EYA3: variants seen among roughly 807,000 people sequenced by gnomAD.
EYA3 encodes EYA transcriptional coactivator and phosphatase 3, also known as protein phosphatase EYA3.
EYA3 carries 39 observed loss-of-function variants against 80.0 expected under a neutral mutation model. The observed-to-expected ratio is 0.49, with a 90% CI of 0.38 to 0.64. EYA3 has a LOEUF of 0.64. Among genes scored for constraint, EYA3 ranks in the 30% least tolerant of loss-of-function variants. The pLI is 0.00. For missense variants in EYA3, 523 were observed against 676.1 expected, an observed-to-expected ratio of 0.77 and a Z score of 2.51; for synonymous variants, 206 against 232.8, an observed-to-expected ratio of 0.88 and a Z score of 1.05.
chr1:28,053,327 T>A (rs1644334556), intron 2 of EYA3, among the ~76,000 whole-genome samples: 1 of 152,064 alleles, frequency 6.6e-6, no homozygotes, highest in Non-Finnish European at 1.5e-5. Context: ...GCTGGTATCT[T>A]AAAAAATGAC....
At chr1:28,083,647 T>C (rs1325428514) in intron 1 of EYA3, among the ~76,000 whole-genome samples, 1 of 152,242 alleles carries the variant, frequency 6.6e-6, no homozygotes, top group Non-Finnish European at 1.5e-5. Context: ...TTATTTTTAC[T>C]GTTTTACCAC....
intron 9 of EYA3, among the ~76,000 whole-genome samples, 159 bp from the exon 10 acceptor site, chr1:28,011,245 G>A (rs1379014710): frequency 1.3e-5 from 2 of 152,164 alleles, no homozygotes; most frequent in Admixed American, 6.5e-5. Flanking sequence ...TGTACATCTA[G>A]GCATTGAGCA....
intron 14 of EYA3, chr1:27,990,255 C>T: frequency 5.4e-6 from 1 of 183,650 alleles, no homozygotes; most frequent in Non-Finnish European, 1.2e-5. Context: ...CAGGCCTGCG[C>T]CCCGGTCACA....
At chr1:28,047,701 C>G (rs964207124) in intron 3 of EYA3, among the ~76,000 whole-genome samples, 1 of 149,922 alleles carries the variant, frequency 6.7e-6, no homozygotes, top group Non-Finnish European at 1.5e-5. Flanking sequence ...TGCAGTGGCG[C>G]GATCTCAGCT....
intron 1 of EYA3, among the ~76,000 whole-genome samples, chr1:28,075,954 T>C (rs891700767): frequency 6.6e-6 from 1 of 152,222 alleles, no homozygotes; most frequent in African/African-American, 2.4e-5. Flanking sequence ...CAGAATCCTT[T>C]GTATTCAGAG....
At chr1:28,019,898 C>T (rs1642317442) in intron 7 of EYA3, among the ~76,000 whole-genome samples, 1 of 151,966 alleles carries the variant, frequency 6.6e-6, no homozygotes, top group Admixed American at 6.6e-5. Context: ...AGATGGGTTT[C>T]ACCATGTTGG....
At chr1:28,045,369 A>G (rs773823312) in intron 3 of EYA3, among the ~76,000 whole-genome samples, 2 of 152,214 alleles carry the variant, frequency 1.3e-5, no homozygotes, top group Non-Finnish European at 2.9e-5. Context: ...GGGGAAGGGC[A>G]TAAAACTGAA....
chr1:28,085,393 G>T (rs989944536), intron 1 of EYA3, among the ~76,000 whole-genome samples: 1 of 152,160 alleles, frequency 6.6e-6, no homozygotes. Context: ...GGGCTGCAGT[G>T]AGCCGAGATC....
intron 1 of EYA3, among the ~76,000 whole-genome samples, chr1:28,076,577 G>A (rs1332877714): frequency 2.0e-5 from 3 of 150,526 alleles, no homozygotes; most frequent in African/African-American, 7.3e-5. Context: ...TGTGTGTGGT[G>A]GCACATGCCT....
At chr1:28,045,732 T>C (rs573557962) in intron 3 of EYA3, among the ~76,000 whole-genome samples, 139 of 152,224 alleles carry the variant, frequency 9.1e-4, no homozygotes, top group Non-Finnish European at 1.8e-3. Context: ...TATATAAACA[T>C]AAATTTTGCT....
At chr1:27,997,102 C>G (rs930341673) in intron 13 of EYA3, among the ~76,000 whole-genome samples, 1 of 152,234 alleles carries the variant, frequency 6.6e-6, no homozygotes, top group Non-Finnish European at 1.5e-5. Context: ...CACTCCCTAT[C>G]CCAACAGAAT....
chr1:28,072,088 C>T (rs1414521265), intron 1 of EYA3, among the ~76,000 whole-genome samples: 2 of 152,038 alleles, frequency 1.3e-5, no homozygotes, highest in East Asian at 3.9e-4. Flanking sequence ...AAAATGATGA[C>T]ACACAAATTG....
Position 27,982,425 on chromosome 1 carries a change from C to T in EYA3, c.1541-3951G>A, listed in dbSNP as rs1212398542. Among the ~76,000 whole-genome samples, 7 of 150,302 alleles carry T rather than the reference C, an allele frequency of 4.7e-5. No individual in the cohort carries two copies. In the East Asian group the frequency reaches 1.4e-3, roughly 29 times the overall value. ...CCACCCAAAGCCCTGGGATGACAGG[C>T]GTGAGCCACTCCACCTGACCCTTAT... On this transcript the variant is annotated intron_variant, in intron 16 of 17. Coordinates refer to ENST00000373871, the MANE Select transcript of EYA3 (RefSeq NM_001990.4).
intron 1 of EYA3, among the ~76,000 whole-genome samples, chr1:28,080,628 A>G (rs1645388430): frequency 6.6e-6 from 1 of 151,866 alleles, no homozygotes; most frequent in South Asian, 2.1e-4. Flanking sequence ...ATAGTGGGTC[A>G]TGATCAGAAA....
intron 16 of EYA3, among the ~76,000 whole-genome samples, chr1:27,978,746 C>G (rs997181937): frequency 6.6e-6 from 1 of 152,206 alleles, no homozygotes; most frequent in Non-Finnish European, 1.5e-5. Context: ...GGCGAATCAC[C>G]TGAGGTCGGG....
chr1:28,063,928 G>T (rs1352226712), intron 1 of EYA3, among the ~76,000 whole-genome samples: 2 of 151,720 alleles, frequency 1.3e-5, no homozygotes. Flanking sequence ...GGGGAAGGTA[G>T]AAACATACAT....
intron 1 of EYA3, among the ~76,000 whole-genome samples, chr1:28,061,903 GTTTT>G (rs772381035): frequency 2.1e-5 from 3 of 140,364 alleles, no homozygotes; most frequent in East Asian, 2.1e-4. Context: ...CCGGTCAACG[GTTTT>G]TTTTTGTTTG....
At chr1:28,048,282 A>G in intron 3 of EYA3, 101 bp downstream of exon 3, 1 of 687,484 alleles carries the variant, frequency 1.5e-6, no homozygotes, top group Non-Finnish European at 2.3e-6. Context: ...GATGGTAAGA[A>G]CCAAAAAGAG....
At chr1:28,038,928 A>C (rs1404166033) in intron 4 of EYA3, 23 bp from the exon 5 acceptor site, 13 of 1,551,772 alleles carry the variant, frequency 8.4e-6, no homozygotes, top group Non-Finnish European at 1.1e-5. Context: ...TAATATCACC[A>C]GGTTAAAAAG....
Sources: gnomAD v4.1 joint callset for allele counts (sites outside exome capture counted in the v4.1 genomes callset) on GRCh38, gnomAD v4.1.1 for gene constraint, MANE v1.5 for transcripts, NCBI Gene and HGNC (gene_info 2026-07-23, HGNC 2026-07-21) for gene names.